Variants in THADA observed in about 807,000 individuals in gnomAD.
THADA encodes THADA armadillo repeat containing.
A neutral mutation model predicts 219.8 loss-of-function variants in THADA; 213 were observed. That is an observed-to-expected ratio of 0.97 (90% CI 0.87 to 1.09). The LOEUF (loss-of-function observed/expected upper bound fraction) is 1.09. THADA is among the 50% of genes least tolerant of loss of function. The pLI is 0.00. For synonymous variants in THADA, 1,018 were observed against 828.9 expected (o/e 1.23, Z -3.92); for missense variants, 2,956 against 2,311.3 (o/e 1.28, Z -5.72).
At chr2:43,366,324 T>G (rs1670150863) in intron 29 of THADA, among the ~76,000 whole-genome samples, 1 of 152,246 alleles carries the variant, frequency 6.6e-6, no homozygotes, top group African/African-American at 2.4e-5. Flanking sequence ...ATTCAGTCAA[T>G]TAAAGACCTA....
Position 43,577,035 on chromosome 2 carries a change from T to A in THADA, c.1024A>T (p.Thr342Ser). 1 of 1,612,728 alleles carries A rather than the reference T, an allele frequency of 6.2e-7. No individual in the cohort carries two copies. The highest frequency in any genetic ancestry group is 8.5e-7 in the Non-Finnish European group (1 of 1,179,418). The stretch of plus-strand genomic sequence containing the variant: ...ATCAAAACTCACTGTGAACTCAAGG[T>A]GAACAAAACATGTGCAGTATCCAAG... ...LLLDTAHVLFTLSSQIKEPTL... is the reference protein window; with the variant it reads ...LLLDTAHVLFSLSSQIKEPTL... The change falls in exon 10 of 38, where the codon ACC (threonine) becomes TCC (serine). Residue 342 changes from threonine to serine, a missense_variant. Coordinates refer to ENST00000405975, the MANE Select transcript of THADA (RefSeq NM_022065.5).
intron 35 of THADA, among the ~76,000 whole-genome samples, chr2:43,284,651 A>C (rs546096036): frequency 6.6e-6 from 1 of 152,302 alleles, no homozygotes; most frequent in East Asian, 1.9e-4. Context: ...CCTCACACAG[A>C]GTTCCCACTG....
chr2:43,557,051 C>T (rs1243906811), intron 16 of THADA, among the ~76,000 whole-genome samples: 1 of 151,996 alleles, frequency 6.6e-6, no homozygotes, highest in Non-Finnish European at 1.5e-5. Flanking sequence ...CCACTGTGCT[C>T]CAGCCTAGGC....
intron 29 of THADA, among the ~76,000 whole-genome samples, chr2:43,395,032 C>T (rs1673857558): frequency 1.3e-5 from 2 of 152,120 alleles, no homozygotes; most frequent in Admixed American, 1.3e-4. Context: ...AGCAAAAGAC[C>T]ATGTTTTGTT....
intron 29 of THADA, among the ~76,000 whole-genome samples, chr2:43,348,811 G>A (rs200950910): frequency 6.6e-6 from 1 of 152,148 alleles, no homozygotes; most frequent in Non-Finnish European, 1.5e-5. Context: ...GGGAATATCC[G>A]TGTGATGACT....
chr2:43,397,582 G>A (rs569272888), intron 29 of THADA, among the ~76,000 whole-genome samples: 1 of 152,064 alleles, frequency 6.6e-6, no homozygotes, highest in South Asian at 2.1e-4. Flanking sequence ...CTCTTCCTGT[G>A]CCTCTCAGGC....
intron 30 of THADA, among the ~76,000 whole-genome samples, chr2:43,337,607 C>G (rs1454416544): frequency 6.6e-6 from 1 of 151,914 alleles, no homozygotes; most frequent in Non-Finnish European, 1.5e-5. Flanking sequence ...GCAGTGTATA[C>G]CAAGACTTTT....
chr2:43,593,891 C>G (rs913768943), intron 1 of THADA, among the ~76,000 whole-genome samples: 21 of 152,132 alleles, frequency 1.4e-4, no homozygotes, highest in Non-Finnish European at 2.5e-4. Context: ...CCTCGGCCCC[C>G]CAAAGTGCTG....
chr2:43,432,813 T>C (rs1276235225), intron 26 of THADA, among the ~76,000 whole-genome samples: 2 of 152,234 alleles, frequency 1.3e-5, no homozygotes, highest in Non-Finnish European at 2.9e-5. Context: ...TTGGTCATTA[T>C]TATGACCCTT....
chr2:43,291,844 G>A lies in THADA; in HGVS notation c.4938-76C>T, dbSNP rs1674767701. On this transcript the variant is annotated intron_variant, in intron 33 of 37. Transcript: ENST00000405975. Reference sequence around the variant, plus strand: ...TTTCATACACCGGTTTTTGCAGATAGTCTGTAATCCATGCAGAGGTGAATA... The same window carrying A: ...TTTCATACACCGGTTTTTGCAGATAATCTGTAATCCATGCAGAGGTGAATA... 6 of 1,319,606 alleles carry A rather than the reference G, an allele frequency of 4.5e-6. No individual in the cohort carries two copies. The South Asian group carries it at 8.4e-5, about 19-fold the overall frequency. 81.7% of individuals were successfully genotyped at this position (1,319,606 alleles called of 1,614,324 possible). A position where few individuals can be genotyped will look rare whatever the true frequency, so the allele number is the denominator to read the frequency against.
intron 28 of THADA, among the ~76,000 whole-genome samples, chr2:43,399,603 T>A (rs576671794): frequency 9.2e-5 from 14 of 152,200 alleles, no homozygotes; most frequent in African/African-American, 3.4e-4. Flanking sequence ...GACAGTTACG[T>A]CTATTGGGTA....
intron 31 of THADA, among the ~76,000 whole-genome samples, chr2:43,308,755 T>A (rs1326239673): frequency 2.5e-4 from 16 of 63,316 alleles, no homozygotes; most frequent in Admixed American, 1.5e-3. Flanking sequence ...TGGATACCCA[T>A]ACCAAAAAAA....
chr2:43,329,496 C>T (rs1055060842), intron 30 of THADA, among the ~76,000 whole-genome samples: 3 of 151,984 alleles, frequency 2.0e-5, no homozygotes, highest in South Asian at 2.1e-4. Context: ...AAAAATAGTA[C>T]GAATGATAAT....
chr2:43,514,395 G>C (rs921370487), intron 22 of THADA, among the ~76,000 whole-genome samples: 4 of 148,666 alleles, frequency 2.7e-5, no homozygotes, highest in Admixed American at 6.8e-5. Context: ...AGGTTGCAGT[G>C]AGCTGAGATC....
At chr2:43,585,699 T>C (rs1015670955) in intron 7 of THADA, among the ~76,000 whole-genome samples, 6 of 151,670 alleles carry the variant, frequency 4.0e-5, no homozygotes, top group Non-Finnish European at 7.4e-5. Flanking sequence ...ACAAAGACTA[T>C]GTAAAGATGA....
intron 36 of THADA, among the ~76,000 whole-genome samples, chr2:43,243,831 C>T (rs1296613418): frequency 6.6e-6 from 1 of 152,168 alleles, no homozygotes; most frequent in Non-Finnish European, 1.5e-5. Flanking sequence ...TCAAATGGAA[C>T]AAATGGCCTG....
chr2:43,520,701 C>CATATATATAT (rs773152903), intron 22 of THADA, among the ~76,000 whole-genome samples: 6 of 112,028 alleles, frequency 5.4e-5, no homozygotes, highest in African/African-American at 1.0e-4. Context: ...AATATTTATA[C>CATATATATAT]GTATATATAT....
chr2:43,262,017 C>T (rs1671013622), intron 36 of THADA, among the ~76,000 whole-genome samples: 1 of 151,818 alleles, frequency 6.6e-6, no homozygotes, highest in Admixed American at 6.6e-5. Context: ...GGTGATCCAC[C>T]CGCCTCGGCC....
intron 1 of THADA, among the ~76,000 whole-genome samples, chr2:43,593,342 G>A (rs2104206393): frequency 6.6e-6 from 1 of 152,300 alleles, no homozygotes. Flanking sequence ...AACAGCCCAA[G>A]ATGACTGCCA....
Sources: gnomAD v4.1 joint callset for allele counts (sites outside exome capture counted in the v4.1 genomes callset) on GRCh38, gnomAD v4.1.1 for gene constraint, MANE v1.5 for transcripts, NCBI Gene and HGNC (gene_info 2026-07-23, HGNC 2026-07-21) for gene names.